SRGAP1: variants seen among roughly 807,000 people sequenced by gnomAD.
SRGAP1 encodes SLIT-ROBO Rho GTPase activating protein 1.
A neutral mutation model predicts 121.9 loss-of-function variants in SRGAP1; 43 were observed. The observed-to-expected ratio is 0.35, with a 90% CI of 0.28 to 0.46. SRGAP1 has a LOEUF of 0.46. Ranked by LOEUF, SRGAP1 falls within the 20% of genes least tolerant of loss-of-function variation. The pLI is 1.00. For synonymous variants in SRGAP1, 447 were observed against 485.4 expected, an observed-to-expected ratio of 0.92 and a Z score of 1.04; for missense variants, 1,102 against 1,350.9, an observed-to-expected ratio of 0.82 and a Z score of 2.89.
rs2037072250 is a variant in SRGAP1, at chr12:64,147,486, G to A, written c.*4814G>A. 1 of 397,718 alleles carries A rather than the reference G, an allele frequency of 2.5e-6. No homozygotes were observed. The highest frequency in any genetic ancestry group is 1.3e-4 in the South Asian group (1 of 7,822). 24.6% of individuals were successfully genotyped at this position (397,718 alleles called of 1,614,324 possible). On this transcript the variant is annotated 3_prime_UTR_variant, in exon 22 of 22. Transcript: ENST00000355086. ...CAGTAATGTCCCATCTCACCTCCCT[G>A]TCGGTCCTCAGACTGTCTCGTTTTC...
At chr12:64,141,584 G>C (rs1046835379) in intron 21 of SRGAP1, among the ~76,000 whole-genome samples, 2 of 152,012 alleles carry the variant, frequency 1.3e-5, no homozygotes, top group Non-Finnish European at 2.9e-5. Flanking sequence ...CATCTTGGGG[G>C]GGGAAAAAGT....
At chr12:64,009,292 G>C (rs931192006) in intron 3 of SRGAP1, among the ~76,000 whole-genome samples, 2 of 152,072 alleles carry the variant, frequency 1.3e-5, no homozygotes, top group East Asian at 1.9e-4. Context: ...ATATGTAACT[G>C]GTTATTCATT....
chr12:64,081,439 C>G (rs1227141952), intron 10 of SRGAP1: 1 of 148,496 alleles, frequency 6.7e-6, no homozygotes, highest in Non-Finnish European at 1.5e-5. Flanking sequence ...ATGTCTGACA[C>G]AGTTAGGATG....
intron 1 of SRGAP1, among the ~76,000 whole-genome samples, chr12:63,919,752 A>T (rs2030966891): frequency 6.6e-6 from 1 of 152,112 alleles, no homozygotes; most frequent in Admixed American, 6.6e-5. Context: ...ATATGCTCAT[A>T]AGTACTATAC....
chr12:64,096,534 A>G (rs789732), intron 14 of SRGAP1, among the ~76,000 whole-genome samples: 147,424 of 152,284 alleles, frequency 0.97, 71,388 homozygotes, highest in East Asian at 1. Context: ...AGTTCTCAGA[A>G]AGAAACGCTC....
At chr12:63,957,513 G>T (rs931990137) in intron 1 of SRGAP1, among the ~76,000 whole-genome samples, 2 of 152,220 alleles carry the variant, frequency 1.3e-5, no homozygotes, top group Admixed American at 6.5e-5. Context: ...GCCTGGCCAT[G>T]CCTCTGTTGA....
At chr12:64,105,346 T>G (rs568155325) in intron 15 of SRGAP1, among the ~76,000 whole-genome samples, 2 of 152,338 alleles carry the variant, frequency 1.3e-5, no homozygotes, top group Non-Finnish European at 2.9e-5. Context: ...CTTTTGGTTA[T>G]TATGAATAAT....
intron 10 of SRGAP1, among the ~76,000 whole-genome samples, chr12:64,084,263 GA>G (rs2035898378): frequency 6.7e-6 from 1 of 148,790 alleles, no homozygotes; most frequent in African/African-American, 2.5e-5. Context: ...AAGAGTAGCT[GA>G]AAAAAAATGT....
intron 1 of SRGAP1, among the ~76,000 whole-genome samples, chr12:63,948,917 TATATATATTCCATATATATATTTTCC>T (rs2032154252): frequency 3.4e-5 from 3 of 87,182 alleles, no homozygotes; most frequent in Admixed American, 2.5e-4. Context: ...ATTTTCCATA[TATATATATTCCATATATATATTTTCC>T]ATATATATAT....
At chr12:64,104,898 A>AAT (rs199969990) in intron 15 of SRGAP1, among the ~76,000 whole-genome samples, 214 of 147,408 alleles carry the variant, frequency 1.5e-3, no homozygotes, top group Admixed American at 2.2e-3. Context: ...TTGTGGTAAA[A>AAT]ATATATATAT....
At chr12:63,908,693 A>T (rs2030345235) in intron 1 of SRGAP1, among the ~76,000 whole-genome samples, 2 of 152,088 alleles carry the variant, frequency 1.3e-5, no homozygotes, top group African/African-American at 4.8e-5. Context: ...CCCAGCTGTT[A>T]AACTTCTTTT....
At chr12:64,023,029 A>C (rs905872134) in intron 4 of SRGAP1, among the ~76,000 whole-genome samples, 3 of 152,146 alleles carry the variant, frequency 2.0e-5, no homozygotes, top group African/African-American at 7.2e-5. Flanking sequence ...ATTAGTAGTT[A>C]ATGTTAGCCT....
chr12:63,962,927 CAT>C (rs1246728383), intron 1 of SRGAP1, among the ~76,000 whole-genome samples: 3 of 151,958 alleles, frequency 2.0e-5, no homozygotes, highest in African/African-American at 7.3e-5. Flanking sequence ...ATATTGAGTA[CAT>C]GTTGAAATTA....
chr12:64,042,751 G>T, intron 4 of SRGAP1, 39 bp from the exon 5 acceptor site: 1 of 1,548,184 alleles, frequency 6.5e-7, no homozygotes, highest in South Asian at 1.1e-5. Context: ...CTAAATGACA[G>T]ACAGACATCT....
intron 3 of SRGAP1, among the ~76,000 whole-genome samples, chr12:63,993,380 T>G (rs539891317): frequency 5.1e-4 from 78 of 152,334 alleles, no homozygotes; most frequent in Non-Finnish European, 5.1e-4. Flanking sequence ...TTTCTAGCTC[T>G]TCTTCCATTG....
chr12:63,883,404 C>T (rs575515723), intron 1 of SRGAP1, among the ~76,000 whole-genome samples: 2 of 152,236 alleles, frequency 1.3e-5, no homozygotes, highest in Admixed American at 6.5e-5. Flanking sequence ...GCTTTTTGTT[C>T]GTTTGAGGAA....
chr12:64,151,409 G>A lies in SRGAP1; in HGVS notation c.*8737G>A, dbSNP rs1285987141. On this transcript the variant is annotated 3_prime_UTR_variant, in exon 22 of 22. Transcript: ENST00000355086. ...CTGTCACTGAGTGAGCCTGTTTGAA[G>A]GTTTTGTTTTTTTTTCAATTGAATG... is the stretch of plus-strand genomic sequence containing the variant. The A allele has an allele frequency of 6.6e-6, 1 of 151,926 alleles. No homozygotes were observed. Among genetic ancestry groups the A allele is most frequent in the Non-Finnish European group, 1.5e-5 (1 of 67,998 alleles). 9.4% of individuals were successfully genotyped at this position (151,926 alleles called of 1,614,324 possible).
intron 8 of SRGAP1, among the ~76,000 whole-genome samples, chr12:64,066,222 C>T (rs1387342594): frequency 1.3e-5 from 2 of 152,284 alleles, no homozygotes; most frequent in African/African-American, 2.4e-5. Flanking sequence ...TCAGGATAGA[C>T]GCAGAACTAT....
chr12:63,921,636 G>A (rs1037319967), intron 1 of SRGAP1, among the ~76,000 whole-genome samples: 10 of 152,092 alleles, frequency 6.6e-5, no homozygotes, highest in African/African-American at 9.7e-5. Context: ...ATGCTCCCAC[G>A]CCTGCCACAA....
Sources: gnomAD v4.1 joint callset for allele counts (sites outside exome capture counted in the v4.1 genomes callset) on GRCh38, gnomAD v4.1.1 for gene constraint, MANE v1.5 for transcripts, NCBI Gene and HGNC (gene_info 2026-07-23, HGNC 2026-07-21) for gene names.